ZC4H2: variants seen among roughly 807,000 people sequenced by gnomAD.
The protein encoded by ZC4H2 is zinc finger C4H2 domain-containing protein.
For missense variants in ZC4H2, 137 were observed against 173.9 expected (o/e 0.79, Z 1.19); for synonymous variants, 84 against 66.3 (o/e 1.27, Z -1.30).
chrX:64,937,435 A>T (rs1200658908), intron 1 of ZC4H2, among the ~76,000 whole-genome samples: 2 of 111,596 alleles, frequency 1.8e-5, no homozygotes, highest in African/African-American at 6.5e-5. Context: ...GACCAAGCTG[A>T]CCTAATAGAT....
chrX:64,952,183 A>G (rs1267540155), intron 1 of ZC4H2, among the ~76,000 whole-genome samples: 1 of 110,687 alleles, frequency 9.0e-6, no homozygotes, highest in African/African-American at 3.3e-5. Flanking sequence ...TACCAGTACC[A>G]TGCTGTTTTG....
chrX:65,028,923 G>A (rs1264833943), intron 1 of ZC4H2, among the ~76,000 whole-genome samples: 1 of 111,314 alleles, frequency 9.0e-6, no homozygotes, highest in Non-Finnish European at 1.9e-5. Flanking sequence ...AATTTGAACT[G>A]CTTGGGTGGC....
chrX:64,927,049 G>A (rs764427377), intron 1 of ZC4H2, among the ~76,000 whole-genome samples: 1 of 111,797 alleles, frequency 8.9e-6, no homozygotes, highest in South Asian at 3.8e-4. Flanking sequence ...CTCCCACGCA[G>A]TAGCTTGCCT....
rs763151553 is a variant in ZC4H2 at position 65,027,322 on chromosome X, G to T, written c.-272+7307C>A. On this transcript the variant is annotated intron_variant, in intron 1 of 4. Transcript: ENST00000337990. Reference sequence around the variant, plus strand: ...TTTAGCAGGGAGAGAATTTGGTAAGGTTTGCATTTTTAGATAACTTATTCA... The same window carrying T: ...TTTAGCAGGGAGAGAATTTGGTAAGTTTTGCATTTTTAGATAACTTATTCA... Among the ~76,000 whole-genome samples the T allele has an allele frequency of 2.7e-5, 3 of 111,737 alleles. No homozygotes were observed. In the East Asian group the frequency reaches 8.5e-4, roughly 32 times the overall value.
chrX:64,918,431 G>T (rs559844623), intron 4 of ZC4H2: 1 of 113,856 alleles, frequency 8.8e-6, no homozygotes, highest in African/African-American at 3.2e-5. Context: ...TTGACCTGTA[G>T]GCTGTAATTT....
Position 64,917,503 on chromosome X carries a change from G to A in ZC4H2, c.*280C>T, listed in dbSNP as rs1928986636. ...ATAGAGAATCATATCTGAGCCTTTT[G>A]CCCTTCCCTTAGCTCCAAACAAGGG... On this transcript the variant is annotated 3_prime_UTR_variant, in exon 5 of 5. Coordinates refer to ENST00000374839, the MANE Select transcript of ZC4H2 (RefSeq NM_018684.4). The A allele has an allele frequency of 3.6e-6, 1 of 280,694 alleles. No homozygotes were observed. The highest frequency in any genetic ancestry group is 5.4e-5 in the Admixed American group (1 of 18,527). The allele number at this position is 280,694 out of a possible 1,213,427, so 23.1% of individuals were successfully genotyped here.
At chrX:65,021,249 T>C (rs898138864) in intron 1 of ZC4H2, among the ~76,000 whole-genome samples, 1 of 110,863 alleles carries the variant, frequency 9.0e-6, no homozygotes, top group African/African-American at 3.3e-5. Flanking sequence ...ATCGCACTTA[T>C]TCTAAAACTG....
At chrX:64,995,271 A>G (rs1932389580) in intron 1 of ZC4H2, among the ~76,000 whole-genome samples, 1 of 111,939 alleles carries the variant, frequency 8.9e-6, no homozygotes, top group Non-Finnish European at 1.9e-5. Flanking sequence ...AGCTGAGAAC[A>G]TGCCAAATCA....
At chrX:64,970,534 A>AAGGG (rs1490771255) in intron 1 of ZC4H2, among the ~76,000 whole-genome samples, 5 of 109,982 alleles carry the variant, frequency 4.5e-5, no homozygotes, top group Non-Finnish European at 9.5e-5. Context: ...GGAAGGAAGG[A>AAGGG]AGGGAGGAAG....
intron 1 of ZC4H2, among the ~76,000 whole-genome samples, chrX:64,953,564 T>C (rs1192604741): frequency 1.8e-5 from 2 of 112,199 alleles, no homozygotes; most frequent in African/African-American, 6.5e-5. Context: ...ATAAGTCACA[T>C]GAAAAAGTGC....
intron 1 of ZC4H2, among the ~76,000 whole-genome samples, chrX:64,953,188 C>T (rs1409192964): frequency 1.8e-5 from 2 of 111,773 alleles, no homozygotes; most frequent in Non-Finnish European, 3.8e-5. Context: ...GATTAAAGAC[C>T]TAAATGTTAG....
At chrX:64,977,477 TTATC>T (rs1931984865), upstream of ZC4H2, among the ~76,000 whole-genome samples, 1 of 112,172 alleles carries the variant, frequency 8.9e-6, no homozygotes, top group African/African-American at 3.2e-5. Flanking sequence ...AGGCAGACAT[TTATC>T]TAATAAACTT....
At chrX:64,939,734 G>C (rs1930179047) in intron 1 of ZC4H2, among the ~76,000 whole-genome samples, 1 of 112,043 alleles carries the variant, frequency 8.9e-6, no homozygotes, top group African/African-American at 3.2e-5. Flanking sequence ...GCCAGATGCA[G>C]AAAACTGAAA....
chrX:64,920,811 TCAC>T (rs1193846598), intron 2 of ZC4H2, among the ~76,000 whole-genome samples: 1 of 112,516 alleles, frequency 8.9e-6, no homozygotes, highest in Non-Finnish European at 1.9e-5. Context: ...ATTCTTAGGT[TCAC>T]CTCAGACATA....
chrX:64,919,280 A>G, intron 3 of ZC4H2, 76 bp from the exon 4 acceptor site: 1 of 1,122,926 alleles, frequency 8.9e-7, no homozygotes, highest in East Asian at 3.0e-5. Context: ...ACTCCATGCC[A>G]TACAACCAAG....
chrX:64,993,945 C>T (rs1166574158), intron 1 of ZC4H2, among the ~76,000 whole-genome samples: 1 of 111,823 alleles, frequency 8.9e-6, no homozygotes, highest in Non-Finnish European at 1.9e-5. Flanking sequence ...TTTGCCAAAA[C>T]CACTTACTAA....
intron 1 of ZC4H2, among the ~76,000 whole-genome samples, chrX:64,956,686 C>T (rs1202649943): frequency 8.9e-6 from 1 of 111,870 alleles, no homozygotes; most frequent in East Asian, 2.8e-4. Context: ...TAGGCCCTAA[C>T]AGACCAAACC....
upstream of ZC4H2, among the ~76,000 whole-genome samples, chrX:64,980,585 T>A (rs187851689): frequency 6.2e-5 from 7 of 112,392 alleles, no homozygotes; most frequent in Admixed American, 5.7e-4. Flanking sequence ...GGATATATAG[T>A]GCTTTGCATG....
At chrX:65,011,566 C>T (rs1029794032) in intron 1 of ZC4H2, among the ~76,000 whole-genome samples, 2 of 111,721 alleles carry the variant, frequency 1.8e-5, no homozygotes, top group Non-Finnish European at 3.8e-5. Context: ...AAGAAAATTA[C>T]AACCCCATAG....
Sources: gnomAD v4.1 joint callset for allele counts (sites outside exome capture counted in the v4.1 genomes callset) on GRCh38, gnomAD v4.1.1 for gene constraint, MANE v1.5 for transcripts, NCBI Gene and HGNC (gene_info 2026-07-23, HGNC 2026-07-21) for gene names.